Variants in ACTR3 observed in about 807,000 individuals in gnomAD.
The protein encoded by ACTR3 is actin-related protein 3.
ACTR3 carries 12 observed loss-of-function variants against 56.8 expected under a neutral mutation model. The ratio of observed to expected loss-of-function variants is 0.21; its 90% CI spans 0.14 to 0.34. The LOEUF is 0.34. Ranked by LOEUF, ACTR3 falls within the 10% of genes least tolerant of loss-of-function variation. ACTR3 has a pLI of 1.00. For synonymous variants in ACTR3, 162 were observed against 167.4 expected (o/e 0.97, Z 0.25); for missense variants, 282 against 512.5 (o/e 0.55, Z 4.34).
chr2:113,940,280 GCAGT>G, intron 7 of ACTR3, 178 bp downstream of exon 7: 2 of 460,222 alleles, frequency 4.3e-6, no homozygotes, highest in Non-Finnish European at 7.2e-6. Context: ...AATTATTACA[GCAGT>G]TTGTCTTCTG....
chr2:113,890,458 G>A, intron 1 of ACTR3, 135 bp downstream of exon 1: 1 of 1,277,626 alleles, frequency 7.8e-7, no homozygotes, highest in Non-Finnish European at 1.0e-6. Flanking sequence ...GCCGGCCAGC[G>A]AGGGGTGGGG....
Position 113,942,304 on chromosome 2 carries a change from C to T in ACTR3, c.803C>T (p.Ser268Phe). The T allele has an allele frequency of 6.2e-7, 1 of 1,601,188 alleles. No homozygotes were observed. The highest frequency in any genetic ancestry group is 8.5e-7 in the Non-Finnish European group (1 of 1,175,136). ...AATGCTATCTCAAAGAAAGAGTTTT[C>T]TATCGATGTTGGTTATGAGAGATTT... ...GINAISKKEF[S>F]IDVGYERFLG... Residue 268 changes from serine to phenylalanine, a missense_variant, in exon 8 of 12, where the codon TCT (serine) becomes TTT (phenylalanine). Ser to Phe is a radical substitution (Grantham distance 155, BLOSUM62 -2). Transcript: ENST00000263238.
At chr2:113,910,708 C>T (rs1445946554) in intron 1 of ACTR3, among the ~76,000 whole-genome samples, 3 of 152,162 alleles carry the variant, frequency 2.0e-5, no homozygotes, top group Non-Finnish European at 4.4e-5. Context: ...TCCCAGAAGT[C>T]TTCTGTGTTG....
intron 2 of ACTR3, among the ~76,000 whole-genome samples, chr2:113,915,231 A>G (rs188497241): frequency 1.9e-4 from 29 of 152,318 alleles, no homozygotes; most frequent in African/African-American, 2.9e-4. Context: ...TACAAAATCA[A>G]TGCGTCAGCA....
At chr2:113,918,386 CTT>C (rs59646022) in intron 3 of ACTR3, among the ~76,000 whole-genome samples, 20 of 137,614 alleles carry the variant, frequency 1.5e-4, no homozygotes, top group East Asian at 2.1e-4. Flanking sequence ...TCTTTTCTTT[CTT>C]TTTTTTTTTT....
At chr2:113,901,490 T>C (rs906713440) in intron 1 of ACTR3, among the ~76,000 whole-genome samples, 1 of 152,222 alleles carries the variant, frequency 6.6e-6, no homozygotes, top group Non-Finnish European at 1.5e-5. Context: ...CTGTTTTCAT[T>C]TGGGATTTAT....
At chr2:113,919,428 G>T (rs1457888434) in intron 3 of ACTR3, among the ~76,000 whole-genome samples, 4 of 151,932 alleles carry the variant, frequency 2.6e-5, no homozygotes, top group Non-Finnish European at 4.4e-5. Flanking sequence ...GAGATGTCTT[G>T]TAAAATTTCC....
Position 113,931,293 on chromosome 2 carries a change from T to G in ACTR3, c.337-8T>G. ...ATTATCTATTTAAAATGTTATTTAT[T>G]TCAATAGACTGAACCTCCATTGAAT... On this transcript the variant is annotated splice_region_variant and splice_polypyrimidine_tract_variant and intron_variant, in intron 4 of 11. Transcript: ENST00000263238. 1 of 1,497,502 alleles carries G rather than the reference T, an allele frequency of 6.7e-7. No homozygotes were observed. The highest frequency in any genetic ancestry group is 9.0e-7 in the Non-Finnish European group (1 of 1,108,234). The allele number at this position is 1,497,502 out of a possible 1,614,324, so 92.8% of individuals were successfully genotyped here. A position where few individuals can be genotyped will look rare whatever the true frequency, so the allele number is the denominator to read the frequency against.
At chr2:113,926,726 C>A (rs548580241) in intron 3 of ACTR3, among the ~76,000 whole-genome samples, 1 of 152,252 alleles carries the variant, frequency 6.6e-6, no homozygotes, top group South Asian at 2.1e-4. Context: ...TCTTAAAGGC[C>A]CTACCACCTC....
At chr2:113,897,351 G>A (rs1407153399) in intron 1 of ACTR3, among the ~76,000 whole-genome samples, 3 of 151,238 alleles carry the variant, frequency 2.0e-5, no homozygotes, top group Non-Finnish European at 4.4e-5. Flanking sequence ...GCAAAAAAAA[G>A]AAAAAAAATT....
At chr2:113,929,616 T>C (rs1481216105) in intron 4 of ACTR3, among the ~76,000 whole-genome samples, 1 of 152,146 alleles carries the variant, frequency 6.6e-6, no homozygotes, top group African/African-American at 2.4e-5. Context: ...GTGAACCTTT[T>C]TGCACACCCC....
At chr2:113,930,562 A>G (rs1431735690) in intron 4 of ACTR3, among the ~76,000 whole-genome samples, 3 of 152,216 alleles carry the variant, frequency 2.0e-5, no homozygotes, top group Non-Finnish European at 4.4e-5. Context: ...CAGACTCACA[A>G]GAATCAGAGG....
intron 4 of ACTR3, among the ~76,000 whole-genome samples, chr2:113,931,044 A>G (rs1296750979): frequency 1.3e-5 from 2 of 151,792 alleles, no homozygotes; most frequent in Non-Finnish European, 1.5e-5. Context: ...TTAATGTTTA[A>G]TCTGTATAAG....
At chr2:113,907,071 G>C (rs1481529313) in intron 1 of ACTR3, among the ~76,000 whole-genome samples, 1 of 152,062 alleles carries the variant, frequency 6.6e-6, no homozygotes, top group African/African-American at 2.4e-5. Flanking sequence ...TCCCAAGTCT[G>C]AATTCTGTAC....
intron 1 of ACTR3, among the ~76,000 whole-genome samples, chr2:113,911,355 T>C (rs997777806): frequency 1.3e-5 from 2 of 151,604 alleles, no homozygotes; most frequent in African/African-American, 2.4e-5. Context: ...AGTAGACCAA[T>C]ATCACTTTTT....
rs1680326616 is a variant in ACTR3 at position 113,961,553 on chromosome 2, AAT to A, written c.*4100_*4101del. 1 of 152,004 alleles carries A rather than the reference AAT, an allele frequency of 6.6e-6. No individual in the cohort carries two copies. 9.4% of individuals were successfully genotyped at this position (152,004 alleles called of 1,614,324 possible). On this transcript the variant is annotated 3_prime_UTR_variant, in exon 12 of 12. Coordinates refer to ENST00000263238, the MANE Select transcript of ACTR3 (RefSeq NM_005721.5). ...CATTAAAACTAAGATGCTGAATTAA[AAT>A]AAAGTTTCTCTTTTATTCAAGCACC... is the stretch of plus-strand genomic sequence containing the variant.
chr2:113,943,418 C>T (rs1298766656), intron 8 of ACTR3, among the ~76,000 whole-genome samples: 2 of 152,118 alleles, frequency 1.3e-5, no homozygotes, highest in Admixed American at 1.3e-4. Context: ...ATATGTTATG[C>T]AAGGGAGTTA....
intron 1 of ACTR3, among the ~76,000 whole-genome samples, chr2:113,891,053 A>G (rs1447704082): frequency 2.0e-5 from 3 of 152,272 alleles, no homozygotes; most frequent in South Asian, 4.1e-4. Flanking sequence ...TAGTTTTGTC[A>G]AAGCCGCTTC....
intron 3 of ACTR3, among the ~76,000 whole-genome samples, chr2:113,924,849 T>G (rs2104603378): frequency 6.6e-6 from 1 of 152,216 alleles, no homozygotes; most frequent in South Asian, 2.1e-4. Context: ...GCGAAACCTT[T>G]TCTCTCACAA....
Sources: allele counts gnomAD v4.1 joint callset (sites outside exome capture counted in the v4.1 genomes callset), GRCh38; gene constraint gnomAD v4.1.1; transcripts MANE v1.5; gene names NCBI Gene and HGNC (gene_info 2026-07-23, HGNC 2026-07-21).